AGFG1: variants seen among roughly 807,000 people sequenced by gnomAD.
The protein encoded by AGFG1 is arf-GAP domain and FG repeat-containing protein 1.
Under a neutral mutation model 60.6 loss-of-function variants are expected in AGFG1, and 10 were observed. The ratio of observed to expected loss-of-function variants is 0.16; its 90% CI spans 0.10 to 0.28. The LOEUF (loss-of-function observed/expected upper bound fraction) is 0.28. Among genes scored for constraint, AGFG1 ranks in the 10% least tolerant of loss-of-function variants. The pLI, the probability that AGFG1 is intolerant of heterozygous loss-of-function variation, is 1.00. For missense variants in AGFG1, 537 were observed against 676.5 expected (o/e 0.79, Z 2.29); for synonymous variants, 247 against 242.9 (o/e 1.02, Z -0.16).
In AGFG1 at chr2:227,557,999, C is replaced by T. The variant is rs561623215; in HGVS notation, c.*3504C>T. 9.8e-5 allele frequency: 15 copies of T among 152,334 alleles called. No homozygotes were observed. Among genetic ancestry groups the T allele is most frequent in the African/African-American group, 3.4e-4 (14 of 41,578 alleles). 9.4% of individuals were successfully genotyped at this position (152,334 alleles called of 1,614,324 possible). Reference sequence around the variant, plus strand: ...GAACAGTATTTACTTGCAGGGCAAACATAACTATTCCCTGGGTTTTTTTTG... The same window carrying T: ...GAACAGTATTTACTTGCAGGGCAAATATAACTATTCCCTGGGTTTTTTTTG... On this transcript the variant is annotated 3_prime_UTR_variant, in exon 13 of 13. Transcript: ENST00000310078.
chr2:227,511,150 T>A (rs1691487964), intron 2 of AGFG1, among the ~76,000 whole-genome samples: 1 of 152,198 alleles, frequency 6.6e-6, no homozygotes, highest in Non-Finnish European at 1.5e-5. Context: ...CAGGGGAAAG[T>A]TTTTGCCCAT....
intron 2 of AGFG1, among the ~76,000 whole-genome samples, chr2:227,505,044 T>C (rs915749871): frequency 6.6e-6 from 1 of 152,196 alleles, no homozygotes; most frequent in Non-Finnish European, 1.5e-5. Flanking sequence ...GATTTACATA[T>C]TTTTTTCTGT....
rs189992502 is a variant in AGFG1, at chr2:227,507,144, G to A, written c.262-12804G>A. Among the ~76,000 whole-genome samples the A allele has an allele frequency of 1.1e-4, 16 of 152,106 alleles. No homozygotes were observed. In the East Asian group the frequency reaches 3.1e-3, roughly 30 times the overall value. On this transcript the variant is annotated intron_variant, in intron 2 of 12. Coordinates refer to ENST00000310078, the MANE Select transcript of AGFG1 (RefSeq NM_004504.5). Reference sequence around the variant, plus strand: ...AGTTTGGGACTTGTAAGGGATCCTTGAGACCTTTTCAGAGGTTCTTTAAAG... The same window carrying A: ...AGTTTGGGACTTGTAAGGGATCCTTAAGACCTTTTCAGAGGTTCTTTAAAG...
At chr2:227,535,996 T>G (rs1194599178) in intron 8 of AGFG1, among the ~76,000 whole-genome samples, 1 of 152,186 alleles carries the variant, frequency 6.6e-6, no homozygotes, top group Non-Finnish European at 1.5e-5. Flanking sequence ...GTGAAAACAA[T>G]GGCAAGTAAA....
At chr2:227,524,112 A>G (rs1033745506) in intron 4 of AGFG1, among the ~76,000 whole-genome samples, 187 bp downstream of exon 4, 3 of 151,926 alleles carry the variant, frequency 2.0e-5, no homozygotes, top group Non-Finnish European at 4.4e-5. Flanking sequence ...TCTTTTTGCT[A>G]TTGCTAATAT....
chr2:227,535,667 C>T (rs1328811174), intron 8 of AGFG1, among the ~76,000 whole-genome samples: 1 of 152,132 alleles, frequency 6.6e-6, no homozygotes, highest in Non-Finnish European at 1.5e-5. Context: ...TTTTATTCAT[C>T]TCTGTTTTCC....
chr2:227,529,016 G>A (rs1162241297), intron 5 of AGFG1, among the ~76,000 whole-genome samples: 1 of 152,080 alleles, frequency 6.6e-6, no homozygotes, highest in Non-Finnish European at 1.5e-5. Flanking sequence ...TTAGTCTGAA[G>A]TTCTTAATTA....
intron 12 of AGFG1, 59 bp from the exon 13 acceptor site, chr2:227,554,377 A>G: frequency 7.3e-7 from 1 of 1,369,576 alleles, no homozygotes; most frequent in Non-Finnish European, 1.0e-6. Flanking sequence ...TAATGTTTTT[A>G]TATTTTGTAC....
rs1377756441 is a variant in AGFG1, at chr2:227,558,602, G to GT, written c.*4109dup. ...TAACCTGTTGTATTCATCCTCATTAGTTAAGTTTTTCTTTTTATGTTTTAA... is the reference window on the plus strand; with the variant it reads ...TAACCTGTTGTATTCATCCTCATTAGTTTAAGTTTTTCTTTTTATGTTTTAA... On this transcript the variant is annotated 3_prime_UTR_variant, in exon 13 of 13. Transcript: ENST00000310078. The GT allele has an allele frequency of 6.6e-6, 1 of 151,946 alleles. No individual in the cohort carries two copies. The highest frequency in any genetic ancestry group is 1.5e-5 in the Non-Finnish European group (1 of 67,972). 9.4% of individuals were successfully genotyped at this position (151,946 alleles called of 1,614,324 possible).
rs11289047 is a variant in AGFG1, at chr2:227,491,648, GTTTT to G, written c.261+20_261+23del. 67 of 1,163,838 alleles carry G rather than the reference GTTTT, an allele frequency of 5.8e-5. No individual in the cohort carries two copies. Among genetic ancestry groups the G allele is most frequent in the South Asian group, 1.9e-4 (10 of 51,600 alleles). 72.1% of individuals were successfully genotyped at this position (1,163,838 alleles called of 1,614,324 possible). On this transcript the variant is annotated intron_variant, in intron 2 of 12. Coordinates refer to ENST00000310078, the MANE Select transcript of AGFG1 (RefSeq NM_004504.5). ...CAAAAACATGGAAATGAAGTAAGTG[GTTTT>G]TTTTTTTTTTTGCAATTTTTGACTT...
chr2:227,482,445 C>T (rs927623625), intron 1 of AGFG1, among the ~76,000 whole-genome samples: 5 of 152,118 alleles, frequency 3.3e-5, no homozygotes, highest in African/African-American at 7.2e-5. Flanking sequence ...GATTTGATAA[C>T]CTACTAAAGG....
chr2:227,506,710 G>A (rs1174220252), intron 2 of AGFG1, among the ~76,000 whole-genome samples: 1 of 148,692 alleles, frequency 6.7e-6, no homozygotes, highest in African/African-American at 2.5e-5. Context: ...TTAACCTGAG[G>A]CTTTTTGCCA....
intron 8 of AGFG1, among the ~76,000 whole-genome samples, chr2:227,536,391 T>C (rs1692314898): frequency 6.6e-6 from 1 of 152,156 alleles, no homozygotes; most frequent in South Asian, 2.1e-4. Flanking sequence ...TCATATTCCT[T>C]CCCACTACAC....
chr2:227,545,266 T>G (rs1448966851), intron 10 of AGFG1, among the ~76,000 whole-genome samples: 1 of 152,222 alleles, frequency 6.6e-6, no homozygotes, highest in African/African-American at 2.4e-5. Context: ...CTGAAGCTTG[T>G]GTATGCTTCA....
intron 12 of AGFG1, among the ~76,000 whole-genome samples, chr2:227,554,189 A>G (rs1323436063): frequency 6.6e-6 from 1 of 152,202 alleles, no homozygotes; most frequent in Non-Finnish European, 1.5e-5. Flanking sequence ...AGACCATTCT[A>G]AGATTCTTCT....
chr2:227,484,459 G>A (rs1245053030), intron 1 of AGFG1, among the ~76,000 whole-genome samples: 1 of 152,082 alleles, frequency 6.6e-6, no homozygotes, highest in Non-Finnish European at 1.5e-5. Flanking sequence ...GATTACAGGT[G>A]TGAGCCACCG....
Position 227,556,084 on chromosome 2 carries a change from C to T in AGFG1, c.*1589C>T, listed in dbSNP as rs1000268058. 1 of 152,092 alleles carries T rather than the reference C, an allele frequency of 6.6e-6. No individual in the cohort carries two copies. The highest frequency in any genetic ancestry group is 1.5e-5 in the Non-Finnish European group (1 of 68,008). 9.4% of individuals were successfully genotyped at this position (152,092 alleles called of 1,614,324 possible). A position where few individuals can be genotyped will look rare whatever the true frequency, so the allele number is the denominator to read the frequency against. The stretch of plus-strand genomic sequence containing the variant: ...CATCTGATGATTATTCTTTATTATG[C>T]CTCTAGGTAATTAAGTAAAGGTGAA... On this transcript the variant is annotated 3_prime_UTR_variant, in exon 13 of 13. Transcript: ENST00000310078.
intron 1 of AGFG1, among the ~76,000 whole-genome samples, chr2:227,486,646 A>G (rs1690647635): frequency 6.6e-6 from 1 of 152,156 alleles, no homozygotes; most frequent in Non-Finnish European, 1.5e-5. Context: ...TTTCAGAGAG[A>G]GAAATATTTA....
chr2:227,499,952 T>C (rs929654099), intron 2 of AGFG1, among the ~76,000 whole-genome samples: 2 of 152,230 alleles, frequency 1.3e-5, no homozygotes, highest in African/African-American at 4.8e-5. Flanking sequence ...TCTTTTTCAT[T>C]GCTCTGGCAT....
Sources: gnomAD v4.1 joint callset for allele counts (sites outside exome capture counted in the v4.1 genomes callset) on GRCh38, gnomAD v4.1.1 for gene constraint, MANE v1.5 for transcripts, NCBI Gene and HGNC (gene_info 2026-07-23, HGNC 2026-07-21) for gene names.